SYNE1: variants seen among roughly 807,000 people sequenced by gnomAD.
SYNE1 encodes spectrin repeat containing nuclear envelope protein 1, also known as nesprin-1.
A neutral mutation model predicts 1,111.0 loss-of-function variants in SYNE1; 616 were observed. That is an observed-to-expected ratio of 0.55 (90% CI 0.52 to 0.59). SYNE1 has a LOEUF of 0.59. SYNE1 is among the 20% of genes least tolerant of loss of function. SYNE1 has a pLI of 0.00. For missense variants in SYNE1, 10,006 were observed against 10,417.0 expected (o/e 0.96, Z 1.72); for synonymous variants, 3,855 against 3,825.8 (o/e 1.01, Z -0.28).
intron 3 of SYNE1, among the ~76,000 whole-genome samples, chr6:152,583,980 A>G (rs933413535): frequency 3.3e-5 from 5 of 152,176 alleles, no homozygotes; most frequent in African/African-American, 1.2e-4. Context: ...TTTGCGATGG[A>G]TTTAGAGGCA....
chr6:152,130,744 G>A lies in SYNE1; in HGVS notation c.26129C>T (p.Pro8710Leu), dbSNP rs761011818. The change falls in exon 145 of 146, where the codon CCC becomes CTC. Residue 8710 changes from proline to leucine, a missense_variant. Pro to Leu is a moderately conservative substitution (Grantham distance 98). Around this residue, in one of 7 missense-constraint regions of SYNE1, gnomAD observed 761 missense variants for 795.5 expected, o/e 0.96. Transcript: ENST00000367255. ...CCTGCTATGTGGACTGCTGACAGAG[G>A]GTCCAGGCTGTGAGAGACTACACTT... ...RGKCSLSQPG[P>L]SVSSPHSRST... The A allele has an allele frequency of 3.7e-5, 59 of 1,613,998 alleles. No individual in the cohort carries two copies. Among genetic ancestry groups the A allele is most frequent in the Non-Finnish European group, 4.9e-5 (58 of 1,180,034 alleles).
intron 3 of SYNE1, among the ~76,000 whole-genome samples, chr6:152,613,855 T>C (rs2099638745): frequency 6.6e-6 from 1 of 152,188 alleles, no homozygotes; most frequent in South Asian, 2.1e-4. Flanking sequence ...ATCTGATCTT[T>C]GACAAACCTG....
At chr6:152,631,117 T>G (rs2129010056) in intron 2 of SYNE1, among the ~76,000 whole-genome samples, 1 of 152,228 alleles carries the variant, frequency 6.6e-6, no homozygotes, top group Admixed American at 6.5e-5. Context: ...CAGGGCTAAG[T>G]GCAAATACAA....
At chr6:152,339,144 C>T in intron 75 of SYNE1, 97 bp downstream of exon 75, 1 of 1,517,428 alleles carries the variant, frequency 6.6e-7, no homozygotes, top group Non-Finnish European at 9.0e-7. Flanking sequence ...ACAGCAAGAA[C>T]AAGCCAAGAG....
chr6:152,518,635 G>T (rs1215339407), intron 6 of SYNE1, among the ~76,000 whole-genome samples: 1 of 152,040 alleles, frequency 6.6e-6, no homozygotes, highest in East Asian at 1.9e-4. Context: ...TTTATAGCAT[G>T]TGAGAATGGA....
intron 75 of SYNE1, among the ~76,000 whole-genome samples, chr6:152,337,323 C>T (rs1216110978): frequency 4.0e-5 from 6 of 148,738 alleles, no homozygotes; most frequent in Non-Finnish European, 7.4e-5. Flanking sequence ...GAGTTTCGCT[C>T]TTGTTGCCCA....
chr6:152,310,660 TC>T, intron 88 of SYNE1, 27 bp downstream of exon 88: 1 of 1,611,006 alleles, frequency 6.2e-7, no homozygotes, highest in Non-Finnish European at 8.5e-7. Context: ...GACATTTTTT[TC>T]TGTTTCTTTT....
chr6:152,390,792 C>T (rs899937767), intron 52 of SYNE1, among the ~76,000 whole-genome samples: 1 of 152,186 alleles, frequency 6.6e-6, no homozygotes, highest in Non-Finnish European at 1.5e-5. Context: ...CATTAATTGG[C>T]TGGCTAATTT....
chr6:152,340,992 T>G (rs9371589), intron 74 of SYNE1, among the ~76,000 whole-genome samples: 69,716 of 151,952 alleles, frequency 0.46, 16,063 homozygotes, highest in East Asian at 0.56. Flanking sequence ...AGGGATAAAG[T>G]TGACTTCCAG....
At position 152,390,268 on chromosome 6, in the gene SYNE1, T is replaced by C. The variant is rs1317575178; in HGVS notation, c.8177+12A>G. ...ATTGGACTTAAACAAACTCTAAAAA[T>C]AGGTTCTGTACCTTTGAGCGTGGAC... is the stretch of plus-strand genomic sequence containing the variant. On this transcript the variant is annotated intron_variant, in intron 53 of 145. Transcript: ENST00000367255. The C allele has an allele frequency of 3.7e-6, 6 of 1,613,736 alleles. No homozygotes were observed. In the East Asian group the frequency reaches 6.7e-5, roughly 18 times the overall value.
intron 133 of SYNE1, 130 bp from the exon 134 acceptor site, chr6:152,152,271 T>C (rs2060566483): frequency 2.4e-6 from 2 of 825,410 alleles, no homozygotes; most frequent in Non-Finnish European, 4.0e-6. Context: ...GAATGATGTC[T>C]AATAACGGTA....
intron 14 of SYNE1, among the ~76,000 whole-genome samples, chr6:152,479,175 G>A (rs1057241401): frequency 1.3e-5 from 2 of 152,154 alleles, no homozygotes; most frequent in Admixed American, 1.3e-4. Context: ...AGGGTTGGGT[G>A]TAGGACAGGA....
intron 101 of SYNE1, 126 bp downstream of exon 101, chr6:152,261,906 A>C: frequency 1.5e-6 from 1 of 673,462 alleles, no homozygotes; most frequent in Non-Finnish European, 2.3e-6. Context: ...TGTAGAGTGA[A>C]AAATTGGTGT....
intron 3 of SYNE1, among the ~76,000 whole-genome samples, chr6:152,593,440 G>T (rs569460878): frequency 6.6e-6 from 1 of 152,150 alleles, no homozygotes; most frequent in South Asian, 2.1e-4. Flanking sequence ...AAAAAATTAG[G>T]GTGTGGTGAC....
chr6:152,350,840 A>T lies in SYNE1; in HGVS notation c.11581-70T>A, dbSNP rs1387549. ...ACAAGATGAATACATACATATTCCC[A>T]TGGTATGCAAGAGATGATCTACCTC... On this transcript the variant is annotated intron_variant, in intron 70 of 145. Transcript: ENST00000367255. The T allele has an allele frequency of 6.3e-6, 10 of 1,574,884 alleles. No individual in the cohort carries two copies. The African/African-American group carries it at 1.4e-4, about 21-fold the overall frequency.
chr6:152,598,085 G>A (rs946803842), intron 3 of SYNE1, among the ~76,000 whole-genome samples: 3 of 152,078 alleles, frequency 2.0e-5, no homozygotes, highest in Non-Finnish European at 1.5e-5. Context: ...CAGATATACA[G>A]ATTCAGAAAC....
intron 3 of SYNE1, among the ~76,000 whole-genome samples, chr6:152,595,154 C>A (rs901986147): frequency 2.0e-5 from 3 of 152,196 alleles, no homozygotes; most frequent in African/African-American, 7.2e-5. Context: ...ACCAAGTGAA[C>A]AATGATCACT....
chr6:152,605,021 AGAGAGAGAGAGAGAGGGAGGGAGG>A (rs2099609611), intron 3 of SYNE1, among the ~76,000 whole-genome samples: 2 of 68,268 alleles, frequency 2.9e-5, no homozygotes, highest in African/African-American at 1.4e-4. Flanking sequence ...AGAGAGAGAG[AGAGAGAGAGAGAGAGGGAGGGAGG>A]GAGGGAGGGA....
intron 95 of SYNE1, among the ~76,000 whole-genome samples, chr6:152,290,221 G>A (rs980409281): frequency 2.0e-5 from 3 of 152,138 alleles, no homozygotes; most frequent in Non-Finnish European, 4.4e-5. Flanking sequence ...CAGTACAACA[G>A]CCACAAGTCA....
Sources: gnomAD v4.1 joint callset for allele counts (sites outside exome capture counted in the v4.1 genomes callset) on GRCh38, gnomAD v4.1.1 for gene constraint, gnomAD v4.1.1 regional missense constraint, MANE v1.5 for transcripts, NCBI Gene and HGNC (gene_info 2026-07-23, HGNC 2026-07-21) for gene names.